Variants in CCZ1 observed in about 807,000 individuals in gnomAD.
CCZ1 encodes the protein CCZ1 vacuolar protein trafficking and biogenesis associated, also known as vacuolar fusion protein CCZ1 homolog.
Under a neutral mutation model 57.8 loss-of-function variants are expected in CCZ1, and 19 were observed. The ratio of observed to expected loss-of-function variants is 0.33; its 90% CI spans 0.23 to 0.48. The LOEUF is 0.48. Ranked by LOEUF, CCZ1 falls within the 20% of genes least tolerant of loss-of-function variation. The pLI, the probability that CCZ1 is intolerant of heterozygous loss-of-function variation, is 0.99. For synonymous variants in CCZ1, 81 were observed against 167.0 expected, an observed-to-expected ratio of 0.49 and a Z score of 3.97; for missense variants, 200 against 492.0, an observed-to-expected ratio of 0.41 and a Z score of 5.61.
chr7:5,907,817 A>ACAGCCTCTTCCTC (rs1281611769), intron 7 of CCZ1, among the ~76,000 whole-genome samples: 1 of 11,362 alleles, frequency 8.8e-5, no homozygotes, highest in African/African-American at 3.2e-4. Flanking sequence ...TTCAAGCAAA[A>ACAGCCTCTTCCTC]CAGGCGCCAA....
At chr7:5,912,174 T>C (rs1307808680) in intron 9 of CCZ1, among the ~76,000 whole-genome samples, 1 of 143,778 alleles carries the variant, frequency 7.0e-6, no homozygotes, top group Non-Finnish European at 1.5e-5. Context: ...GCCAGGCTGG[T>C]CTTGAACTCC....
intron 12 of CCZ1, among the ~76,000 whole-genome samples, chr7:5,921,284 C>T (rs1276082761): frequency 8.6e-6 from 1 of 116,512 alleles, no homozygotes; most frequent in African/African-American, 3.3e-5. Context: ...AGCGCAGAAG[C>T]GAGCAAAGGT....
intron 8 of CCZ1, among the ~76,000 whole-genome samples, chr7:5,910,466 A>C (rs1220035471): frequency 6.7e-6 from 1 of 148,622 alleles, no homozygotes; most frequent in Non-Finnish European, 1.5e-5. Flanking sequence ...ACCTGGGATT[A>C]CAGGTGCCTG....
intron 12 of CCZ1, among the ~76,000 whole-genome samples, chr7:5,920,353 G>A (rs1227350670): frequency 8.5e-6 from 1 of 117,504 alleles, no homozygotes; most frequent in Non-Finnish European, 1.9e-5. Flanking sequence ...GGGATGTGGG[G>A]CACTGGGCCT....
At chr7:5,903,029 C>T (rs1449383718) in intron 6 of CCZ1, among the ~76,000 whole-genome samples, 1 of 148,238 alleles carries the variant, frequency 6.7e-6, no homozygotes, top group Non-Finnish European at 1.5e-5. Context: ...TTACCTGCAT[C>T]TGTCCTTCTG....
chr7:5,908,380 A>ATT lies in CCZ1; in HGVS notation c.699-1644_699-1643dup, dbSNP rs5882075. ...TGTATTTACTTAGTATATTGCTTTG[A>ATT]TTTTTTTTTTTTGAGACTGAGTCTC... On this transcript the variant is annotated intron_variant, in intron 7 of 14. Transcript: ENST00000325974. Among the ~76,000 whole-genome samples, 7 of 135,580 alleles carry ATT rather than the reference A, an allele frequency of 5.2e-5. 1 individual carries two copies. The highest frequency in any genetic ancestry group is 1.4e-4 in the Admixed American group (2 of 13,848). 88.9% of individuals were successfully genotyped at this position (135,580 alleles called of 152,430 possible).
At chr7:5,922,868 C>G (rs1332856600) in intron 12 of CCZ1, among the ~76,000 whole-genome samples, 4 of 149,870 alleles carry the variant, frequency 2.7e-5, no homozygotes, top group Non-Finnish European at 4.4e-5. Flanking sequence ...GGTCAGCAGA[C>G]TTTTACGGTA....
chr7:5,907,004 A>G (rs1023394426), intron 7 of CCZ1, among the ~76,000 whole-genome samples: 1 of 148,550 alleles, frequency 6.7e-6, no homozygotes, highest in Admixed American at 6.6e-5. Context: ...AGTAGCTGGG[A>G]TTACAGGTGC....
At position 5,910,039 on chromosome 7, in the gene CCZ1, G is replaced by A. The variant is rs1331285145; in HGVS notation, c.703G>A (p.Gly235Arg). The change falls in exon 8 of 15, where the codon GGA (glycine) becomes AGA (arginine). Residue 235 changes from glycine to arginine, a missense_variant. Gly to Arg is a moderately radical substitution (Grantham distance 125). Transcript: ENST00000325974. Reference sequence around the variant, plus strand: ...AGTGCTTTTCTGTTGTTGCAGGAGTGGATTAGAACAAGATGACATGAGAAT... The same window carrying A: ...AGTGCTTTTCTGTTGTTGCAGGAGTAGATTAGAACAAGATGACATGAGAAT... ...FLYNDQLIWS[G>R]LEQDDMRILY... 6.2e-6 allele frequency: 10 copies of A among 1,601,336 alleles called. No homozygotes were observed. The highest frequency in any genetic ancestry group is 5.1e-6 in the Non-Finnish European group (6 of 1,171,240).
rs1323197139 is a variant in CCZ1 at position 5,913,965 on chromosome 7, A to G, written c.954+1011A>G. ...GCTCATTCTGGCATTTCTTTCTCCC[A>G]GACAGAACTGAGACCTTCATCCTAC... On this transcript the variant is annotated intron_variant, in intron 10 of 14. Coordinates refer to ENST00000325974, the MANE Select transcript of CCZ1 (RefSeq NM_015622.6). Among the ~76,000 whole-genome samples, 2 of 132,838 alleles carry G rather than the reference A, an allele frequency of 1.5e-5. 1 individual carries two copies. The highest frequency in any genetic ancestry group is 5.3e-5 in the African/African-American group (2 of 37,594). The allele number at this position is 132,838 out of a possible 152,430, so 87.1% of individuals were successfully genotyped here.
At position 5,902,735 on chromosome 7, in the gene CCZ1, C is replaced by G. The variant is rs1781712603; in HGVS notation, c.513C>G (p.Phe171Leu). The G allele has an allele frequency of 6.3e-7, 1 of 1,594,884 alleles. No homozygotes were observed. Among genetic ancestry groups the G allele is most frequent in the Non-Finnish European group, 8.5e-7 (1 of 1,176,618 alleles). Residue 171 changes from phenylalanine (F) to leucine (L), a missense_variant, in exon 6 of 15, where the codon TTC (phenylalanine) becomes TTG (leucine). Phe to Leu is a conservative substitution (Grantham distance 22, BLOSUM62 0). Transcript: ENST00000325974. The stretch of plus-strand genomic sequence containing the variant: ...TTCTGAAAGAAAGATTAGAGAAATT[C>G]TTCCATCGGGTAAGTATTTTGAATT... Reference protein sequence around the residue: ...VKLLKERLEKFFHRYLQTLHL... With the variant: ...VKLLKERLEKLFHRYLQTLHL...
chr7:5,899,332 G>GTGT lies in CCZ1; in HGVS notation c.120+413_120+414insTGT, dbSNP rs1781623164. On this transcript the variant is annotated intron_variant, in intron 1 of 14. Transcript: ENST00000325974. ...GAGGAAATAAATTAATTTCGGGAGG[G>GTGT]GGGTGTGTGTGTGTGTGTGTGTGTG... Among the ~76,000 whole-genome samples, 122 of 128,902 alleles carry GTGT rather than the reference G, an allele frequency of 9.5e-4. 2 individuals carry two copies. The highest frequency in any genetic ancestry group is 3.0e-3 in the African/African-American group (110 of 36,432). 84.6% of individuals were successfully genotyped at this position (128,902 alleles called of 152,430 possible).
chr7:5,912,694 C>G (rs1779063574), intron 9 of CCZ1, 149 bp from the exon 10 acceptor site: 3 of 882,396 alleles, frequency 3.4e-6, no homozygotes, highest in East Asian at 5.2e-5. Context: ...GCCACCACGC[C>G]CAGCCAGCAT....
chr7:5,920,241 TGTTAC>T (rs1287835160), intron 12 of CCZ1, among the ~76,000 whole-genome samples: 1 of 119,758 alleles, frequency 8.4e-6, no homozygotes, highest in Non-Finnish European at 1.8e-5. Context: ...CAGCCCAGAT[TGTTAC>T]GTTCACTTGG....
rs1781756970 is a variant in CCZ1 at position 5,904,476 on chromosome 7, A to T, written c.523-618A>T. On this transcript the variant is annotated intron_variant, in intron 6 of 14. Transcript: ENST00000325974. ...GGACGCCTAGACACGAGAATCACGGAGGCCAGAAGTTCAAGACCAGCCTAG... is the reference window on the plus strand; with the variant it reads ...GGACGCCTAGACACGAGAATCACGGTGGCCAGAAGTTCAAGACCAGCCTAG... Among the ~76,000 whole-genome samples the T allele has an allele frequency of 1.4e-5, 2 of 145,680 alleles. 1 individual carries two copies. Among genetic ancestry groups the T allele is most frequent in the African/African-American group, 5.2e-5 (2 of 38,216 alleles).
At chr7:5,909,121 T>TC (rs397775128) in intron 7 of CCZ1, among the ~76,000 whole-genome samples, 1 of 144,818 alleles carries the variant, frequency 6.9e-6, no homozygotes, top group African/African-American at 2.6e-5. Flanking sequence ...TTTTTTTTTT[T>TC]ATCTCAAATG....
intron 6 of CCZ1, 66 bp from the exon 7 acceptor site, chr7:5,905,028 G>T (rs1404008904): frequency 1.3e-5 from 17 of 1,289,132 alleles, no homozygotes; most frequent in Non-Finnish European, 1.6e-5. Flanking sequence ...ATTATTTTCA[G>T]TTATCAAGGA....
intron 7 of CCZ1, among the ~76,000 whole-genome samples, chr7:5,908,594 G>A (rs1781891426): frequency 6.8e-6 from 1 of 147,586 alleles, no homozygotes; most frequent in African/African-American, 2.5e-5. Context: ...TGGCCAGGCT[G>A]GTGTTGAACC....
chr7:5,923,377 GT>G lies in CCZ1; in HGVS notation c.1107-6del, dbSNP rs1287597322. On this transcript the variant is annotated splice_polypyrimidine_tract_variant and intron_variant, in intron 12 of 14. Transcript: ENST00000325974. ...CCGAGTGCTACTGTCTTCGTGACAT[GT>G]TTTCACAGGTCTGAGAAAGAACCCC... 2 of 244,450 alleles carry G rather than the reference GT, an allele frequency of 8.2e-6. No homozygotes were observed. The highest frequency in any genetic ancestry group is 9.3e-5 in the African/African-American group (1 of 10,712). 15.1% of individuals were successfully genotyped at this position (244,450 alleles called of 1,614,324 possible).
Sources: gnomAD v4.1 joint callset for allele counts (sites outside exome capture counted in the v4.1 genomes callset) on GRCh38, gnomAD v4.1.1 for gene constraint, MANE v1.5 for transcripts, NCBI Gene and HGNC (gene_info 2026-07-23, HGNC 2026-07-21) for gene names.